The following CCSER1 variants were observed in gnomAD, a reference collection of about 807,000 sequenced individuals.
The protein encoded by CCSER1 is serine-rich coiled-coil domain-containing protein 1.
A neutral mutation model predicts 82.0 loss-of-function variants in CCSER1; 41 were observed. The observed-to-expected ratio is 0.50, with a 90% CI of 0.39 to 0.65. The LOEUF is 0.65. Ranked by LOEUF, CCSER1 falls within the 30% of genes least tolerant of loss-of-function variation. The pLI is 0.00. For missense variants in CCSER1, 1,119 were observed against 1,064.2 expected, an observed-to-expected ratio of 1.05 and a Z score of -0.72; for synonymous variants, 414 against 383.9, an observed-to-expected ratio of 1.08 and a Z score of -0.92.
At chr4:90,641,346 G>A (rs765508940) in intron 6 of CCSER1, among the ~76,000 whole-genome samples, 18 of 152,068 alleles carry the variant, frequency 1.2e-4, no homozygotes, top group Non-Finnish European at 2.1e-4. Context: ...GCTAAACACC[G>A]TATTCAGGGT....
chr4:90,567,024 A>C (rs551370981), intron 5 of CCSER1, among the ~76,000 whole-genome samples: 1 of 110,406 alleles, frequency 9.1e-6, no homozygotes, highest in African/African-American at 6.4e-5. Flanking sequence ...AAAAAAAAAA[A>C]CAAAAACAAA....
chr4:90,318,596 T>A (rs970373269), intron 3 of CCSER1, among the ~76,000 whole-genome samples: 1 of 151,976 alleles, frequency 6.6e-6, no homozygotes, highest in African/African-American at 2.4e-5. Context: ...ATCGTTAGCA[T>A]CTCATATCAC....
At chr4:90,314,454 G>C (rs555922418) in intron 3 of CCSER1, among the ~76,000 whole-genome samples, 61 of 152,156 alleles carry the variant, frequency 4.0e-4, no homozygotes, top group African/African-American at 1.3e-3. Flanking sequence ...TATATTAATA[G>C]GGTTACACTA....
At chr4:91,594,291 G>A (rs116443016) in intron 10 of CCSER1, among the ~76,000 whole-genome samples, 5,488 of 149,304 alleles carry the variant, frequency 0.037, 106 homozygotes, top group African/African-American at 0.049. Context: ...ATATATGTGT[G>A]TATATATGTA....
At chr4:90,737,910 T>C (rs1295783532) in intron 7 of CCSER1, among the ~76,000 whole-genome samples, 4 of 152,222 alleles carry the variant, frequency 2.6e-5, no homozygotes, top group Non-Finnish European at 5.9e-5. Flanking sequence ...TTCAATTGTA[T>C]TTTTCAGCTC....
chr4:91,563,782 C>G lies in CCSER1; in HGVS notation c.2218-34790C>G, dbSNP rs188147575. On this transcript the variant is annotated intron_variant, in intron 10 of 10. Transcript: ENST00000509176. ...TCTCTTTCGGCAAAGGACATGCTCTCATACAGAGAAAATTCTAAAGATTTC... is the reference window on the plus strand; with the variant it reads ...TCTCTTTCGGCAAAGGACATGCTCTGATACAGAGAAAATTCTAAAGATTTC... Among the ~76,000 whole-genome samples the G allele has an allele frequency of 1.7e-3, 264 of 151,848 alleles. 1 individual carries two copies. The highest frequency in any genetic ancestry group is 2.3e-3 in the Non-Finnish European group (155 of 67,790).
chr4:91,080,918 G>C (rs1297033677), intron 9 of CCSER1, among the ~76,000 whole-genome samples: 1 of 152,116 alleles, frequency 6.6e-6, no homozygotes, highest in Non-Finnish European at 1.5e-5. Context: ...ATAATTAATA[G>C]CCTACCAACC....
chr4:91,364,369 A>G (rs1263995380), intron 10 of CCSER1, among the ~76,000 whole-genome samples: 1 of 152,014 alleles, frequency 6.6e-6, no homozygotes, highest in Non-Finnish European at 1.5e-5. Flanking sequence ...ACTTTACATA[A>G]AAATATTGGT....
chr4:90,629,472 T>C (rs1723948228), intron 6 of CCSER1, among the ~76,000 whole-genome samples: 1 of 152,146 alleles, frequency 6.6e-6, no homozygotes, highest in African/African-American at 2.4e-5. Context: ...GAAACTCTTA[T>C]TTATGAAACC....
At chr4:90,181,284 T>C (rs1438091568) in intron 1 of CCSER1, among the ~76,000 whole-genome samples, 4 of 152,192 alleles carry the variant, frequency 2.6e-5, no homozygotes, top group Non-Finnish European at 5.9e-5. Flanking sequence ...CTAGTGGTCA[T>C]AGTAATTTTA....
Position 90,599,939 on chromosome 4 carries a change from T to C in CCSER1, c.1725-28086T>C, listed in dbSNP as rs374302467. 1.3e-3 allele frequency among the ~76,000 whole-genome samples: 196 copies of C among 152,332 alleles called. 1 individual carries two copies. The highest frequency in any genetic ancestry group is 4.5e-3 in the African/African-American group (187 of 41,574). On this transcript the variant is annotated intron_variant, in intron 5 of 10. Transcript: ENST00000509176. Reference sequence around the variant, plus strand: ...TCTGTCACTAAACACTAATTAGCATTTCTTAGAACTTTATATAAATGGAAA... The same window carrying C: ...TCTGTCACTAAACACTAATTAGCATCTCTTAGAACTTTATATAAATGGAAA...
chr4:90,239,907 C>T (rs1407423852), intron 1 of CCSER1, among the ~76,000 whole-genome samples: 1 of 152,090 alleles, frequency 6.6e-6, no homozygotes, highest in Non-Finnish European at 1.5e-5. Context: ...AGGAAAACCA[C>T]ATAGTAGGTT....
At chr4:90,570,758 A>C (rs759080199) in intron 5 of CCSER1, among the ~76,000 whole-genome samples, 6 of 152,132 alleles carry the variant, frequency 3.9e-5, no homozygotes, top group Non-Finnish European at 8.8e-5. Context: ...GACCCACTGA[A>C]ATACTGAAGG....
chr4:90,603,378 A>T (rs1374925615), intron 5 of CCSER1, among the ~76,000 whole-genome samples: 1 of 152,176 alleles, frequency 6.6e-6, no homozygotes, highest in East Asian at 1.9e-4. Flanking sequence ...GCTGTCTGCC[A>T]ATGCCCTTGT....
intron 10 of CCSER1, among the ~76,000 whole-genome samples, chr4:91,392,018 GCC>G (rs569693591): frequency 1.2e-3 from 184 of 151,880 alleles, no homozygotes; most frequent in Non-Finnish European, 1.5e-3. Flanking sequence ...ATTCATATGT[GCC>G]CATCGATACA....
rs546534155 is a variant in CCSER1, at chr4:90,698,640, G to A, written c.1933-25274G>A. 3.0e-4 allele frequency among the ~76,000 whole-genome samples: 45 copies of A among 152,232 alleles called. 1 individual carries two copies. The highest frequency in any genetic ancestry group is 4.6e-4 in the Admixed American group (7 of 15,278). On this transcript the variant is annotated intron_variant, in intron 6 of 10. Transcript: ENST00000509176. ...TTTTAAACTACCAATGTAATGTATT[G>A]AACCTGAATTTGGGACATGTTGGCA... is the stretch of plus-strand genomic sequence containing the variant.
intron 9 of CCSER1, among the ~76,000 whole-genome samples, chr4:91,038,634 C>A (rs1406785743): frequency 6.6e-6 from 1 of 152,136 alleles, no homozygotes; most frequent in Non-Finnish European, 1.5e-5. Flanking sequence ...CTAAGTATTT[C>A]TTTTAATCTT....
chr4:91,163,420 G>A (rs1349788438), intron 10 of CCSER1, among the ~76,000 whole-genome samples: 4 of 151,908 alleles, frequency 2.6e-5, no homozygotes, highest in African/African-American at 7.3e-5. Context: ...GATTTGGGGT[G>A]GAGAGTTCTG....
chr4:90,891,195 G>A (rs1005931631), intron 8 of CCSER1, among the ~76,000 whole-genome samples: 17 of 151,476 alleles, frequency 1.1e-4, no homozygotes, highest in African/African-American at 4.1e-4. Context: ...AAAAAACCAA[G>A]TGAATTGGTC....
Sources: gnomAD v4.1 joint callset for allele counts (sites outside exome capture counted in the v4.1 genomes callset) on GRCh38, gnomAD v4.1.1 for gene constraint, MANE v1.5 for transcripts, NCBI Gene and HGNC (gene_info 2026-07-23, HGNC 2026-07-21) for gene names.